CSMD1: variants seen among roughly 807,000 people sequenced by gnomAD.
CSMD1 encodes CUB and sushi domain-containing protein 1.
A neutral mutation model predicts 417.5 loss-of-function variants in CSMD1; 213 were observed. That is an observed-to-expected ratio of 0.51 (90% CI 0.46 to 0.57). The LOEUF (loss-of-function observed/expected upper bound fraction) is 0.57, where lower values mean the gene tolerates loss of function less well. Ranked by LOEUF, CSMD1 falls within the 20% of genes least tolerant of loss-of-function variation. CSMD1 has a pLI of 0.00. For synonymous variants in CSMD1, 2,862 were observed against 1,736.8 expected (o/e 1.65, Z -16.11); for missense variants, 6,923 against 4,529.7 (o/e 1.53, Z -15.17).
intron 10 of CSMD1, chr8:3,515,143 C>A (rs549506554): frequency 8.5e-5 from 13 of 152,050 alleles, no homozygotes; most frequent in African/African-American, 3.1e-4. Context: ...TGAATACATG[C>A]GAAGGATCAA....
intron 8 of CSMD1, among the ~76,000 whole-genome samples, chr8:3,599,010 G>A (rs984002017): frequency 6.6e-6 from 1 of 152,146 alleles, no homozygotes; most frequent in South Asian, 2.1e-4. Flanking sequence ...GAATGTGGGA[G>A]GTAGGGGTTG....
intron 23 of CSMD1, among the ~76,000 whole-genome samples, chr8:3,338,191 G>C (rs1807399809): frequency 2.0e-5 from 3 of 152,142 alleles, no homozygotes; most frequent in Admixed American, 2.0e-4. Context: ...TCTGAATCCA[G>C]TTGTTGAACC....
intron 50 of CSMD1, among the ~76,000 whole-genome samples, chr8:3,050,301 T>A (rs2128988364): frequency 6.6e-6 from 1 of 152,298 alleles, no homozygotes; most frequent in Admixed American, 6.5e-5. Context: ...CAACTTCAAA[T>A]CTGCAAATTA....
At chr8:4,187,238 CAT>C (rs1423130320) in intron 3 of CSMD1, among the ~76,000 whole-genome samples, 1 of 152,144 alleles carries the variant, frequency 6.6e-6, no homozygotes, top group Admixed American at 6.5e-5. Context: ...GGAACTTTAA[CAT>C]GTGCTTATGG....
chr8:4,155,644 C>G (rs1232670631), intron 3 of CSMD1, among the ~76,000 whole-genome samples: 2 of 152,084 alleles, frequency 1.3e-5, no homozygotes, highest in Non-Finnish European at 2.9e-5. Context: ...TAGCTGATGA[C>G]ATAATACACA....
At chr8:4,017,278 T>G (rs920340414) in intron 4 of CSMD1, among the ~76,000 whole-genome samples, 4 of 152,184 alleles carry the variant, frequency 2.6e-5, no homozygotes, top group Non-Finnish European at 2.9e-5. Flanking sequence ...TTCTCATCAT[T>G]TCTAATATCA....
intron 1 of CSMD1, among the ~76,000 whole-genome samples, chr8:4,878,234 G>A (rs1803171357): frequency 6.6e-6 from 1 of 151,970 alleles, no homozygotes; most frequent in Non-Finnish European, 1.5e-5. Flanking sequence ...AGAAAAGAAA[G>A]GGTCAGGGAA....
At chr8:3,407,086 G>T (rs1156624389) in intron 14 of CSMD1, among the ~76,000 whole-genome samples, 1 of 152,092 alleles carries the variant, frequency 6.6e-6, no homozygotes. Flanking sequence ...TGGAAAGAAA[G>T]ATGAATGGAG....
chr8:3,386,319 G>T (rs894002011), intron 18 of CSMD1, among the ~76,000 whole-genome samples: 6 of 152,270 alleles, frequency 3.9e-5, no homozygotes, highest in Non-Finnish European at 8.8e-5. Context: ...TGCTCGTGTG[G>T]CCCCACAGAC....
In CSMD1 at chr8:3,555,550, C is replaced by T. The variant is rs770564446; in HGVS notation, c.1344+19395G>A. ...AATTCCACAGCTGGGTGAACTTAAA[C>T]GCTTGCTTCACTGAAGCTTTTGTGT... is the stretch of plus-strand genomic sequence containing the variant. On this transcript the variant is annotated intron_variant, in intron 10 of 69. Coordinates refer to ENST00000635120, the MANE Select transcript of CSMD1 (RefSeq NM_033225.6). 1.1e-4 allele frequency among the ~76,000 whole-genome samples: 17 copies of T among 152,304 alleles called. No individual in the cohort carries two copies. The South Asian group carries it at 1.2e-3, about 11-fold the overall frequency.
At chr8:3,912,421 G>A (rs992645646) in intron 5 of CSMD1, among the ~76,000 whole-genome samples, 3 of 152,120 alleles carry the variant, frequency 2.0e-5, no homozygotes, top group Non-Finnish European at 2.9e-5. Context: ...AGGGTGGGAC[G>A]ATTTCTACTT....
chr8:3,217,876 G>A (rs899928852), intron 29 of CSMD1, among the ~76,000 whole-genome samples: 17 of 152,144 alleles, frequency 1.1e-4, no homozygotes, highest in African/African-American at 3.9e-4. Flanking sequence ...CACACAAATT[G>A]AACTCAAAAG....
rs1809088873 is a variant in CSMD1 at position 4,956,059 on chromosome 8, G to A, written c.85+38273C>T. On this transcript the variant is annotated intron_variant, in intron 1 of 69. Transcript: ENST00000635120. ...CTCAAAGACCACTTGCTCCTATCCTGGGGTGACGTAAAACCACTTAGGGGA... is the reference window on the plus strand; with the variant it reads ...CTCAAAGACCACTTGCTCCTATCCTAGGGTGACGTAAAACCACTTAGGGGA... Among the ~76,000 whole-genome samples, 5 of 152,268 alleles carry A rather than the reference G, an allele frequency of 3.3e-5. No homozygotes were observed. In the South Asian group the frequency reaches 1.0e-3, roughly 32 times the overall value.
chr8:4,384,768 G>T (rs982636254), intron 3 of CSMD1, among the ~76,000 whole-genome samples: 2 of 152,074 alleles, frequency 1.3e-5, no homozygotes, highest in African/African-American at 4.8e-5. Context: ...AATTCCTACC[G>T]GTCGGGCTTC....
chr8:3,941,641 A>T (rs952530715), intron 5 of CSMD1, among the ~76,000 whole-genome samples: 2 of 152,298 alleles, frequency 1.3e-5, no homozygotes, highest in Admixed American at 1.3e-4. Flanking sequence ...GAAAAAAATT[A>T]AACTCTTTTT....
At chr8:4,226,613 C>T (rs542968977) in intron 3 of CSMD1, among the ~76,000 whole-genome samples, 30 of 152,190 alleles carry the variant, frequency 2.0e-4, no homozygotes, top group African/African-American at 7.2e-4. Context: ...CATTGATATT[C>T]TATAACATCA....
chr8:3,404,601 G>A (rs1161526), intron 15 of CSMD1, among the ~76,000 whole-genome samples: 1 of 152,052 alleles, frequency 6.6e-6, no homozygotes, highest in African/African-American at 2.4e-5. Flanking sequence ...ATATATTCCT[G>A]TTCTATTCAC....
At chr8:3,999,825 A>G (rs1169220319) in intron 4 of CSMD1, among the ~76,000 whole-genome samples, 1 of 152,148 alleles carries the variant, frequency 6.6e-6, no homozygotes, top group Non-Finnish European at 1.5e-5. Context: ...TCATGTTTTA[A>G]TAGTTAGCCA....
At chr8:4,388,050 G>C (rs867072341) in intron 3 of CSMD1, among the ~76,000 whole-genome samples, 3 of 152,200 alleles carry the variant, frequency 2.0e-5, no homozygotes, top group Middle Eastern at 3.4e-3. Flanking sequence ...CCTGATGAAT[G>C]AATGTCCACC....
Sources: gnomAD v4.1 joint callset for allele counts (sites outside exome capture counted in the v4.1 genomes callset) on GRCh38, gnomAD v4.1.1 for gene constraint, MANE v1.5 for transcripts, NCBI Gene and HGNC (gene_info 2026-07-23, HGNC 2026-07-21) for gene names.